Variants in MACROD2 observed in about 807,000 individuals in gnomAD.
The protein encoded by MACROD2 is mono-ADP ribosylhydrolase 2.
MACROD2 carries 36 observed loss-of-function variants against 70.4 expected under a neutral mutation model. The ratio of observed to expected loss-of-function variants is 0.51; its 90% CI spans 0.39 to 0.68. The LOEUF (loss-of-function observed/expected upper bound fraction) is 0.68. Among genes scored for constraint, MACROD2 ranks in the 30% least tolerant of loss-of-function variants. The pLI is 0.00. For synonymous variants in MACROD2, 172 were observed against 178.8 expected, an observed-to-expected ratio of 0.96 and a Z score of 0.30; for missense variants, 496 against 538.4, an observed-to-expected ratio of 0.92 and a Z score of 0.78.
intron 5 of MACROD2, among the ~76,000 whole-genome samples, chr20:14,712,237 T>A (rs922594839): frequency 6.6e-6 from 1 of 152,130 alleles, no homozygotes; most frequent in African/African-American, 2.4e-5. Flanking sequence ...TTATTTTTAA[T>A]GAGAAAAATT....
intron 4 of MACROD2, chr20:14,493,810 C>G: frequency 5.2e-6 from 1 of 194,172 alleles, no homozygotes; most frequent in Non-Finnish European, 1.1e-5. Context: ...TGCATAGTTA[C>G]AGAGTAACTA....
chr20:14,862,007 ATATATATATATT>A (rs1568838677), intron 5 of MACROD2, among the ~76,000 whole-genome samples: 4 of 23,090 alleles, frequency 1.7e-4, no homozygotes, highest in African/African-American at 4.4e-4. Flanking sequence ...ATATATATTT[ATATATATATATT>A]TATATATATT....
rs78038446 is a variant in MACROD2, at chr20:15,922,098, C to G, written c.776-11178C>G. Among the ~76,000 whole-genome samples, 5 of 152,184 alleles carry G rather than the reference C, an allele frequency of 3.3e-5. No homozygotes were observed. In the East Asian group the frequency reaches 9.6e-4, roughly 29 times the overall value. On this transcript the variant is annotated intron_variant, in intron 10 of 17. Transcript: ENST00000684519. ...AGAAAAAGCCCTCAGGCCGCATATT[C>G]AAGAGAAGAAGCCTCTGGTGCATGC...
chr20:15,187,789 A>C (rs140756178), intron 5 of MACROD2, among the ~76,000 whole-genome samples: 3 of 152,118 alleles, frequency 2.0e-5, no homozygotes, highest in Non-Finnish European at 2.9e-5. Context: ...CAAGCCTGCT[A>C]TTTGTTCATT....
chr20:14,323,984 A>G (rs1024908458), intron 3 of MACROD2: 1 of 152,136 alleles, frequency 6.6e-6, no homozygotes, highest in Non-Finnish European at 1.5e-5. Context: ...ATGATACACA[A>G]CCTCAAGATG....
chr20:14,923,436 C>A lies in MACROD2; in HGVS notation c.418+238477C>A, dbSNP rs1433471558. On this transcript the variant is annotated intron_variant, in intron 5 of 17. Transcript: ENST00000684519. ...ATGTGTCATCTCCAAAACTGACTTT[C>A]TAATTTATCACAACACTTACTTTCA... Among the ~76,000 whole-genome samples the A allele has an allele frequency of 2.0e-5, 3 of 152,112 alleles. No individual in the cohort carries two copies. In the East Asian group the frequency reaches 5.8e-4, roughly 29 times the overall value.
At chr20:15,934,417 G>A (rs572516353) in intron 11 of MACROD2, among the ~76,000 whole-genome samples, 5 of 152,254 alleles carry the variant, frequency 3.3e-5, no homozygotes, top group South Asian at 2.1e-4. Context: ...TGACTGGGTC[G>A]GCCGGCGTCC....
At chr20:15,699,154 C>G (rs181230523) in intron 8 of MACROD2, among the ~76,000 whole-genome samples, 13 of 152,176 alleles carry the variant, frequency 8.5e-5, no homozygotes, top group African/African-American at 2.9e-4. Flanking sequence ...GTTGAAGAGC[C>G]TTGTTTTGTC....
intron 8 of MACROD2, among the ~76,000 whole-genome samples, chr20:15,829,976 C>A (rs890454599): frequency 6.6e-6 from 1 of 152,102 alleles, no homozygotes; most frequent in African/African-American, 2.4e-5. Context: ...CACACAGCTG[C>A]AAGGCAAAAT....
chr20:15,318,241 G>C (rs994431487), intron 6 of MACROD2, among the ~76,000 whole-genome samples: 1 of 152,078 alleles, frequency 6.6e-6, no homozygotes, highest in Non-Finnish European at 1.5e-5. Context: ...GGATGAAATT[G>C]ACAATTCTCT....
chr20:15,050,350 G>A (rs192759193), intron 5 of MACROD2, among the ~76,000 whole-genome samples: 29 of 152,194 alleles, frequency 1.9e-4, no homozygotes, highest in Admixed American at 1.5e-3. Flanking sequence ...ATTTTGAAAA[G>A]CACATAATTT....
intron 8 of MACROD2, among the ~76,000 whole-genome samples, chr20:15,622,835 T>C (rs2049148463): frequency 6.6e-6 from 1 of 152,204 alleles, no homozygotes; most frequent in Non-Finnish European, 1.5e-5. Flanking sequence ...TTATTATTAA[T>C]TGTTGTTAAT....
At chr20:14,223,671 C>A (rs1195651471) in intron 3 of MACROD2, among the ~76,000 whole-genome samples, 1 of 151,990 alleles carries the variant, frequency 6.6e-6, no homozygotes, top group Non-Finnish European at 1.5e-5. Flanking sequence ...CCATGCCCAG[C>A]CAATTTTTGT....
chr20:14,914,907 A>G (rs2074072385), intron 5 of MACROD2, among the ~76,000 whole-genome samples: 1 of 152,206 alleles, frequency 6.6e-6, no homozygotes, highest in South Asian at 2.1e-4. Flanking sequence ...CCAATTTAAC[A>G]TATACATGCG....
chr20:15,276,191 G>C (rs1465268057), intron 6 of MACROD2, among the ~76,000 whole-genome samples: 1 of 152,092 alleles, frequency 6.6e-6, no homozygotes, highest in East Asian at 1.9e-4. Flanking sequence ...ACAAGGTCAG[G>C]AGATCGAGAC....
chr20:14,965,423 C>T (rs1404726109), intron 5 of MACROD2, among the ~76,000 whole-genome samples: 1 of 150,038 alleles, frequency 6.7e-6, no homozygotes, highest in Non-Finnish European at 1.5e-5. Flanking sequence ...TTGTTTCCAA[C>T]CTAGGGACGG....
intron 4 of MACROD2, among the ~76,000 whole-genome samples, chr20:14,591,115 G>A (rs1258070731): frequency 6.6e-6 from 1 of 152,094 alleles, no homozygotes; most frequent in Non-Finnish European, 1.5e-5. Flanking sequence ...TTTTATGAGT[G>A]TATTTTAATT....
intron 4 of MACROD2, among the ~76,000 whole-genome samples, chr20:14,598,639 A>G (rs1188691280): frequency 6.6e-6 from 1 of 152,228 alleles, no homozygotes; most frequent in East Asian, 1.9e-4. Context: ...AGTAATTTTC[A>G]CTAGGTGTAC....
At chr20:15,054,946 CTTTTTTTTTTT>C (rs10673344) in intron 5 of MACROD2, among the ~76,000 whole-genome samples, 25,567 of 120,832 alleles carry the variant, frequency 0.21, 2,967 homozygotes, top group East Asian at 0.37. Context: ...CCACATCTAG[CTTTTTTTTTTT>C]TTTTTTTTTG....
Sources: gnomAD v4.1 joint callset for allele counts (sites outside exome capture counted in the v4.1 genomes callset) on GRCh38, gnomAD v4.1.1 for gene constraint, MANE v1.5 for transcripts, NCBI Gene and HGNC (gene_info 2026-07-23, HGNC 2026-07-21) for gene names.